The following MICU2 variants were observed in gnomAD, a reference collection of about 807,000 sequenced individuals.
The protein encoded by MICU2 is mitochondrial calcium uptake 2, also known as calcium uptake protein 2, mitochondrial.
In MICU2, 64 loss-of-function variants were observed where a neutral mutation model predicts 60.4. The ratio of observed to expected loss-of-function variants is 1.06; its 90% CI spans 0.87 to 1.31. The LOEUF is 1.31. MICU2 is among the 50% of genes most tolerant of loss of function. MICU2 has a pLI of 0.00. For synonymous variants in MICU2, 201 were observed against 175.0 expected, an observed-to-expected ratio of 1.15 and a Z score of -1.17; for missense variants, 569 against 531.0, an observed-to-expected ratio of 1.07 and a Z score of -0.70.
Position 21,508,362 on chromosome 13 carries a change from TGA to T in MICU2, c.761+1640_761+1641del, listed in dbSNP as rs145363637. Among the ~76,000 whole-genome samples the T allele has an allele frequency of 2.3e-3, 352 of 152,228 alleles. 3 individuals carry two copies. Among genetic ancestry groups the T allele is most frequent in the African/African-American group, 7.7e-3 (320 of 41,548 alleles). ...GGATGGTCTCGGTCTCCTGACCTCGTGATCCACCACCTCGGCCTTCCAAAGTG... is the reference window on the plus strand; with the variant it reads ...GGATGGTCTCGGTCTCCTGACCTCGTTCCACCACCTCGGCCTTCCAAAGTG... On this transcript the variant is annotated intron_variant, in intron 8 of 11. Transcript: ENST00000382374.
chr13:21,541,093 G>T (rs2761908), intron 2 of MICU2, among the ~76,000 whole-genome samples: 148,398 of 152,208 alleles, frequency 0.97, 72,439 homozygotes, highest in Middle Eastern at 1. Context: ...ACTTAAAGTA[G>T]TCTAGAAAGC....
chr13:21,573,366 T>C (rs1888156046), intron 1 of MICU2, among the ~76,000 whole-genome samples: 1 of 152,080 alleles, frequency 6.6e-6, no homozygotes. Flanking sequence ...CTCCGCCTCC[T>C]GGGTTCATGC....
chr13:21,508,661 C>CT (rs1188348186), intron 8 of MICU2, among the ~76,000 whole-genome samples: 2 of 152,144 alleles, frequency 1.3e-5, no homozygotes, highest in Non-Finnish European at 2.9e-5. Context: ...ATGCTTCCTA[C>CT]TTTATCAACT....
At chr13:21,537,460 T>C (rs1057402629) in intron 4 of MICU2, among the ~76,000 whole-genome samples, 1 of 101,294 alleles carries the variant, frequency 9.9e-6, no homozygotes, top group African/African-American at 3.4e-5. Context: ...TCCAACATTT[T>C]CTTTCTTTCT....
chr13:21,521,365 G>GA, intron 5 of MICU2, 38 bp from the exon 6 acceptor site: 1 of 1,547,168 alleles, frequency 6.5e-7, no homozygotes, highest in Non-Finnish European at 8.8e-7. Context: ...AAATGTTGAT[G>GA]AAAACCAAGT....
intron 2 of MICU2, among the ~76,000 whole-genome samples, chr13:21,544,710 TG>T (rs1490980562): frequency 1.3e-5 from 2 of 152,138 alleles, no homozygotes. Flanking sequence ...TAGAGTGCAG[TG>T]GCATGGTCAT....
At chr13:21,530,697 AG>A (rs990355480) in intron 4 of MICU2, 109 of 397,750 alleles carry the variant, frequency 2.7e-4, no homozygotes, top group Non-Finnish European at 3.4e-4. Flanking sequence ...GTGGCCACTG[AG>A]GGGGTCGGGG....
At chr13:21,555,727 T>C (rs1887690321) in intron 2 of MICU2, among the ~76,000 whole-genome samples, 3 of 148,300 alleles carry the variant, frequency 2.0e-5, no homozygotes, top group Admixed American at 1.3e-4. Flanking sequence ...GCTATTTCTG[T>C]AAACCTCAAT....
chr13:21,600,137 T>G (rs1487602264), intron 1 of MICU2, among the ~76,000 whole-genome samples: 1 of 152,184 alleles, frequency 6.6e-6, no homozygotes, highest in East Asian at 1.9e-4. Flanking sequence ...GGTTAAGAAA[T>G]CCTGCAATGG....
rs949586781 is a variant in MICU2 at position 21,539,528 on chromosome 13, G to C, written c.390+129C>G. Reference sequence around the variant, plus strand: ...GTGTTAGCCAGGATGGTGATCTCCTGACCTCGTGATCCGCCCACCTTGGCC... The same window carrying C: ...GTGTTAGCCAGGATGGTGATCTCCTCACCTCGTGATCCGCCCACCTTGGCC... On this transcript the variant is annotated intron_variant, in intron 3 of 11. Coordinates refer to ENST00000382374, the MANE Select transcript of MICU2 (RefSeq NM_152726.3). 81 of 1,350,012 alleles carry C rather than the reference G, an allele frequency of 6.0e-5. 2 individuals are homozygous for C. In the South Asian group the frequency reaches 9.8e-4, roughly 16 times the overall value. The allele number at this position is 1,350,012 out of a possible 1,614,324, so 83.6% of individuals were successfully genotyped here.
At chr13:21,517,912 TG>T (rs1232522534) in intron 6 of MICU2, among the ~76,000 whole-genome samples, 4 of 152,142 alleles carry the variant, frequency 2.6e-5, no homozygotes, top group Non-Finnish European at 4.4e-5. Context: ...TCTTCAATGC[TG>T]TTTTTTTTTA....
intron 2 of MICU2, among the ~76,000 whole-genome samples, chr13:21,565,518 C>T (rs965624113): frequency 9.2e-5 from 14 of 152,156 alleles, no homozygotes; most frequent in Admixed American, 2.0e-4. Flanking sequence ...ATTAGCTGGG[C>T]GTGGTGGCAC....
chr13:21,597,178 A>G (rs1361903051), intron 1 of MICU2, among the ~76,000 whole-genome samples: 1 of 152,238 alleles, frequency 6.6e-6, no homozygotes, highest in Non-Finnish European at 1.5e-5. Context: ...AGACAAAGGT[A>G]TATCTATTAT....
chr13:21,546,638 A>G, intron 2 of MICU2, among the ~76,000 whole-genome samples: 1 of 152,196 alleles, frequency 6.6e-6, no homozygotes, highest in East Asian at 1.9e-4. Context: ...GCTAAGTGCC[A>G]AGGCTAGTAG....
intron 2 of MICU2, among the ~76,000 whole-genome samples, chr13:21,558,755 A>G (rs1201181448): frequency 1.3e-5 from 2 of 152,108 alleles, no homozygotes; most frequent in Non-Finnish European, 2.9e-5. Flanking sequence ...GACAAGAGCA[A>G]TCAGGGTCCC....
chr13:21,532,033 G>A (rs966999176), intron 4 of MICU2, among the ~76,000 whole-genome samples: 2 of 152,094 alleles, frequency 1.3e-5, no homozygotes, highest in Non-Finnish European at 2.9e-5. Context: ...ACTAGCAGGA[G>A]GTATGAACAC....
chr13:21,527,750 A>T (rs1292284541), intron 4 of MICU2, among the ~76,000 whole-genome samples: 2 of 152,246 alleles, frequency 1.3e-5, no homozygotes, highest in African/African-American at 4.8e-5. Context: ...AGAATCTCTT[A>T]AGAGGGACAC....
At chr13:21,581,426 G>C (rs1368802692) in intron 1 of MICU2, among the ~76,000 whole-genome samples, 10 of 152,134 alleles carry the variant, frequency 6.6e-5, no homozygotes, top group Non-Finnish European at 1.3e-4. Context: ...TACAGCAGAG[G>C]TTGTTAACCT....
chr13:21,603,482 C>A (rs1033233145), intron 1 of MICU2: 1 of 168,102 alleles, frequency 5.9e-6, no homozygotes, highest in Non-Finnish European at 1.3e-5. Context: ...AAGAAAAGAT[C>A]GTAAAACTTA....
Sources: allele counts gnomAD v4.1 joint callset (sites outside exome capture counted in the v4.1 genomes callset), GRCh38; gene constraint gnomAD v4.1.1; transcripts MANE v1.5; gene names NCBI Gene and HGNC (gene_info 2026-07-23, HGNC 2026-07-21).